The following INPP4B variants were observed in gnomAD, a reference collection of about 807,000 sequenced individuals.
INPP4B encodes the protein inositol polyphosphate-4-phosphatase type II B, also known as inositol polyphosphate 4-phosphatase type II.
A neutral mutation model predicts 122.5 loss-of-function variants in INPP4B; 55 were observed. The observed-to-expected ratio is 0.45, with a 90% CI of 0.36 to 0.56. INPP4B has a LOEUF of 0.56. Ranked by LOEUF, INPP4B falls within the 20% of genes least tolerant of loss-of-function variation. The probability of loss-of-function intolerance (pLI) is 0.00; values close to 1 mark genes in which losing one functional copy is unlikely to be tolerated. For synonymous variants in INPP4B, 403 were observed against 388.7 expected (o/e 1.04, Z -0.43); for missense variants, 1,000 against 1,097.7 (o/e 0.91, Z 1.26).
At chr4:142,405,523 C>A (rs1803126452) in intron 5 of INPP4B, among the ~76,000 whole-genome samples, 199 bp from the exon 6 acceptor site, 2 of 152,142 alleles carry the variant, frequency 1.3e-5, no homozygotes, top group South Asian at 4.1e-4. Flanking sequence ...ATTGAGAGTT[C>A]ATTTCCACTG....
chr4:142,354,131 C>G (rs1277762890), intron 7 of INPP4B, among the ~76,000 whole-genome samples: 1 of 151,836 alleles, frequency 6.6e-6, no homozygotes, highest in Non-Finnish European at 1.5e-5. Flanking sequence ...ATGCAATAGC[C>G]GAAACCACCT....
intron 2 of INPP4B, among the ~76,000 whole-genome samples, chr4:142,652,130 T>G (rs1015320164): frequency 6.6e-6 from 1 of 152,170 alleles, no homozygotes; most frequent in Non-Finnish European, 1.5e-5. Flanking sequence ...CACATGATTA[T>G]CTCAATAGAT....
intron 2 of INPP4B, among the ~76,000 whole-genome samples, chr4:142,611,348 G>C (rs2150338604): frequency 6.6e-6 from 1 of 152,174 alleles, no homozygotes; most frequent in Middle Eastern, 3.4e-3. Flanking sequence ...TGTGAGATCT[G>C]GGCAAGGACA....
chr4:142,091,401 TAATGGAA>T, intron 23 of INPP4B, among the ~76,000 whole-genome samples: 1 of 152,128 alleles, frequency 6.6e-6, no homozygotes, highest in Admixed American at 6.6e-5. Flanking sequence ...CATTGACCAG[TAATGGAA>T]AACAATGAAT....
intron 1 of INPP4B, among the ~76,000 whole-genome samples, chr4:142,815,810 T>A (rs1780052182): frequency 6.6e-6 from 1 of 152,118 alleles, no homozygotes; most frequent in African/African-American, 2.4e-5. Context: ...TGCCCTGCTT[T>A]AAAGGGTAGG....
At chr4:142,661,488 T>C (rs1755158666) in intron 2 of INPP4B, among the ~76,000 whole-genome samples, 2 of 152,180 alleles carry the variant, frequency 1.3e-5, no homozygotes, top group African/African-American at 4.8e-5. Flanking sequence ...CAAGATGTGG[T>C]AGAATTTGAA....
At chr4:142,344,355 A>G (rs557543001) in intron 7 of INPP4B, among the ~76,000 whole-genome samples, 2 of 152,158 alleles carry the variant, frequency 1.3e-5, no homozygotes, top group East Asian at 3.9e-4. Context: ...GTGTTTTTAA[A>G]GGCCCTTTAG....
intron 23 of INPP4B, among the ~76,000 whole-genome samples, chr4:142,092,228 G>A (rs1779882802): frequency 6.6e-6 from 1 of 152,156 alleles, no homozygotes; most frequent in African/African-American, 2.4e-5. Flanking sequence ...CCAGACATAG[G>A]ATAAAATTAA....
chr4:142,845,182 C>T (rs1014188977), intron 1 of INPP4B, among the ~76,000 whole-genome samples: 2 of 152,256 alleles, frequency 1.3e-5, no homozygotes, highest in South Asian at 2.1e-4. Context: ...TCAATATGTG[C>T]TTCCTCACCC....
At chr4:142,059,650 T>C (rs1759559120) in intron 25 of INPP4B, among the ~76,000 whole-genome samples, 1 of 152,146 alleles carries the variant, frequency 6.6e-6, no homozygotes. Context: ...AGTGGAATAA[T>C]AACCCAGAAT....
intron 7 of INPP4B, among the ~76,000 whole-genome samples, chr4:142,340,112 G>T (rs918775141): frequency 6.6e-6 from 1 of 152,042 alleles, no homozygotes; most frequent in African/African-American, 2.4e-5. Context: ...AAAGCACATC[G>T]CATGGAGAGC....
intron 1 of INPP4B, among the ~76,000 whole-genome samples, chr4:142,804,092 A>C (rs1487678675): frequency 6.6e-6 from 1 of 150,478 alleles, no homozygotes; most frequent in Admixed American, 6.6e-5. Context: ...TAAATAAATA[A>C]ATAAATAAAA....
At chr4:142,549,346 A>G (rs1727422894) in intron 2 of INPP4B, among the ~76,000 whole-genome samples, 1 of 152,124 alleles carries the variant, frequency 6.6e-6, no homozygotes, top group South Asian at 2.1e-4. Flanking sequence ...ACGGGAGCCC[A>G]TGACCATCAG....
intron 7 of INPP4B, among the ~76,000 whole-genome samples, chr4:142,326,252 A>C (rs2151477162): frequency 6.6e-6 from 1 of 152,358 alleles, no homozygotes; most frequent in South Asian, 2.1e-4. Context: ...GAAACCTCTA[A>C]AAAGCTGTAC....
intron 1 of INPP4B, chr4:142,795,719 T>C (rs1777154541): frequency 6.6e-6 from 1 of 151,980 alleles, no homozygotes; most frequent in Non-Finnish European, 1.5e-5. Context: ...TGTATCTATT[T>C]TACCAAAGCA....
At chr4:142,377,986 ACAGTGTC>A (rs1280235267) in intron 7 of INPP4B, among the ~76,000 whole-genome samples, 1 of 152,172 alleles carries the variant, frequency 6.6e-6, no homozygotes, top group Non-Finnish European at 1.5e-5. Flanking sequence ...TTGGAAATAC[ACAGTGTC>A]ACTAGGAAAG....
intron 1 of INPP4B, among the ~76,000 whole-genome samples, chr4:142,776,910 A>G (rs1222547451): frequency 1.3e-5 from 2 of 152,276 alleles, no homozygotes; most frequent in South Asian, 2.1e-4. Flanking sequence ...TTTGAAAATG[A>G]TCATGAGTAG....
At chr4:142,372,518 G>A (rs528399638) in intron 7 of INPP4B, among the ~76,000 whole-genome samples, 14 of 152,036 alleles carry the variant, frequency 9.2e-5, no homozygotes, top group African/African-American at 3.4e-4. Context: ...CCATAAATAA[G>A]TACAATCATT....
At chr4:142,342,606 C>T (rs760407070) in intron 7 of INPP4B, among the ~76,000 whole-genome samples, 36 of 151,990 alleles carry the variant, frequency 2.4e-4, no homozygotes, top group Admixed American at 6.6e-4. Context: ...GCCTCTTGTT[C>T]CAGAATACAA....
Sources: allele counts gnomAD v4.1 joint callset (sites outside exome capture counted in the v4.1 genomes callset), GRCh38; gene constraint gnomAD v4.1.1; transcripts MANE v1.5; gene names NCBI Gene and HGNC (gene_info 2026-07-23, HGNC 2026-07-21).